The following GAB2 variants were observed in gnomAD, a reference collection of about 807,000 sequenced individuals.
GAB2 encodes the protein GRB2-associated-binding protein 2.
A neutral mutation model predicts 65.5 loss-of-function variants in GAB2; 26 were observed. The observed-to-expected ratio is 0.40, with a 90% CI of 0.29 to 0.55. The LOEUF (loss-of-function observed/expected upper bound fraction) is 0.55, where lower values mean the gene tolerates loss of function less well. GAB2 is among the 20% of genes least tolerant of loss of function. The pLI is 0.53. For synonymous variants in GAB2, 321 were observed against 329.6 expected, an observed-to-expected ratio of 0.97 and a Z score of 0.28; for missense variants, 884 against 875.8, an observed-to-expected ratio of 1.01 and a Z score of -0.12.
At chr11:78,378,916 T>C (rs1856665203) in intron 1 of GAB2, among the ~76,000 whole-genome samples, 1 of 152,194 alleles carries the variant, frequency 6.6e-6, no homozygotes, top group Admixed American at 6.5e-5. Flanking sequence ...ATAATCATGG[T>C]GGCTGAGGGA....
In GAB2 at chr11:78,280,665, G is replaced by A. The variant is rs1473389550; in HGVS notation, c.312C>T (p.Asp104=). The change falls in exon 2 of 10, where the codon GAC becomes GAT. Residue 104 remains aspartate, a synonymous_variant. Coordinates refer to ENST00000361507, the MANE Select transcript of GAB2 (RefSeq NM_080491.3). ...AGATGCTCTGGACCCACTTATTCAT[G>A]TCCTCTTCTGTCTCAGCCACCAGGT... The part of the protein sequence containing the change: ...TFYLVAETEE[D]MNKWVQSICQ... The A allele has an allele frequency of 1.2e-6, 2 of 1,613,978 alleles. No individual in the cohort carries two copies. Among genetic ancestry groups the A allele is most frequent in the East Asian group, 2.2e-5 (1 of 44,896 alleles).
At chr11:78,335,756 G>A (rs890876918) in intron 1 of GAB2, among the ~76,000 whole-genome samples, 2 of 152,070 alleles carry the variant, frequency 1.3e-5, no homozygotes, top group Admixed American at 6.6e-5. Flanking sequence ...TTTTAGAATT[G>A]TTCTATTTCT....
intron 1 of GAB2, among the ~76,000 whole-genome samples, chr11:78,281,800 C>T (rs1866343384): frequency 6.6e-6 from 1 of 152,204 alleles, no homozygotes; most frequent in South Asian, 2.1e-4. Flanking sequence ...TTTCTTTAGG[C>T]TAGAATACAG....
At chr11:78,253,119 T>C (rs1427654221) in intron 2 of GAB2, among the ~76,000 whole-genome samples, 4 of 147,344 alleles carry the variant, frequency 2.7e-5, no homozygotes, top group African/African-American at 1.0e-4. Flanking sequence ...CAAGTGATAC[T>C]CCGGCCTCAG....
chr11:78,369,450 G>A (rs1565175651), intron 1 of GAB2, among the ~76,000 whole-genome samples: 1 of 152,116 alleles, frequency 6.6e-6, no homozygotes, highest in Non-Finnish European at 1.5e-5. Context: ...GTTTCTTTTG[G>A]TTACCAAAAT....
chr11:78,368,731 A>G (rs767054319), intron 1 of GAB2, among the ~76,000 whole-genome samples: 2 of 152,082 alleles, frequency 1.3e-5, no homozygotes, highest in Non-Finnish European at 1.5e-5. Context: ...GACAGCAAAA[A>G]TAAACTCTAT....
rs558904070 is a variant in GAB2, at chr11:78,397,499, T to C, written c.75+20147A>G. On this transcript the variant is annotated intron_variant, in intron 1 of 9. Transcript: ENST00000361507. ...GAAGGAGCTTCATAATTCATTCTGA[T>C]GAGGTGGATGGTGCAGGAAAGACTG... 1.1e-4 allele frequency among the ~76,000 whole-genome samples: 16 copies of C among 152,282 alleles called. No individual in the cohort carries two copies. In the East Asian group the frequency reaches 2.9e-3, roughly 28 times the overall value.
At chr11:78,288,372 C>T (rs1347772639) in intron 1 of GAB2, among the ~76,000 whole-genome samples, 2 of 98,860 alleles carry the variant, frequency 2.0e-5, no homozygotes, top group African/African-American at 8.4e-5. Context: ...GAGTGAGACT[C>T]CATCTCAAAG....
intron 3 of GAB2, among the ~76,000 whole-genome samples, chr11:78,239,675 G>A (rs924686377): frequency 3.3e-5 from 5 of 152,184 alleles, no homozygotes; most frequent in Non-Finnish European, 7.3e-5. Context: ...AGATCAGTTT[G>A]GAACAAGGAC....
At chr11:78,349,896 G>T (rs1382423792) in intron 1 of GAB2, among the ~76,000 whole-genome samples, 1 of 151,308 alleles carries the variant, frequency 6.6e-6, no homozygotes, top group Non-Finnish European at 1.5e-5. Flanking sequence ...TGGCTGAACA[G>T]GCGAATGGAT....
At chr11:78,332,873 T>G (rs1349003332) in intron 1 of GAB2, among the ~76,000 whole-genome samples, 1 of 152,080 alleles carries the variant, frequency 6.6e-6, no homozygotes, top group African/African-American at 2.4e-5. Context: ...GAGCAGAAAT[T>G]TGAAGATATA....
chr11:78,323,259 C>A (rs988751463), intron 1 of GAB2, among the ~76,000 whole-genome samples: 1 of 152,136 alleles, frequency 6.6e-6, no homozygotes, highest in East Asian at 1.9e-4. Flanking sequence ...TCTGTAATCC[C>A]TGCACTTTGG....
chr11:78,248,827 T>A (rs1011809559), intron 3 of GAB2, among the ~76,000 whole-genome samples: 1 of 152,216 alleles, frequency 6.6e-6, no homozygotes, highest in Non-Finnish European at 1.5e-5. Flanking sequence ...CTGAACATGC[T>A]TTTCATTATA....
intron 1 of GAB2, among the ~76,000 whole-genome samples, chr11:78,319,532 T>C (rs1396975768): frequency 6.6e-6 from 1 of 152,218 alleles, no homozygotes; most frequent in African/African-American, 2.4e-5. Context: ...AACTTACCCT[T>C]AGGCTTGGTA....
intron 2 of GAB2, among the ~76,000 whole-genome samples, chr11:78,264,272 G>C (rs565271557): frequency 2.0e-5 from 3 of 151,672 alleles, no homozygotes; most frequent in Non-Finnish European, 4.4e-5. Flanking sequence ...CATATTCTGG[G>C]TCTTCTTTAA....
chr11:78,382,380 A>AT lies in GAB2; in HGVS notation c.75+35265dup, dbSNP rs1341614721. ...CTGGAGCAATATTCTTTTTTTTATT[A>AT]TTATTTTTTTTTTTTTGAGACAGAG... is the stretch of plus-strand genomic sequence containing the variant. On this transcript the variant is annotated intron_variant, in intron 1 of 9. Coordinates refer to ENST00000361507, the MANE Select transcript of GAB2 (RefSeq NM_080491.3). 2.1e-3 allele frequency among the ~76,000 whole-genome samples: 311 copies of AT among 149,580 alleles called. 4 individuals are homozygous for AT. Among genetic ancestry groups the AT allele is most frequent in the Middle Eastern group, 6.8e-3 (2 of 292 alleles).
chr11:78,400,164 T>C (rs982060626), intron 1 of GAB2, among the ~76,000 whole-genome samples: 2 of 152,170 alleles, frequency 1.3e-5, no homozygotes, highest in African/African-American at 4.8e-5. Flanking sequence ...CCACTCTGGA[T>C]GGAATTTTAC....
intron 2 of GAB2, among the ~76,000 whole-genome samples, chr11:78,278,567 G>C (rs1001717476): frequency 7.3e-6 from 1 of 136,822 alleles, no homozygotes; most frequent in Non-Finnish European, 1.5e-5. Flanking sequence ...TAGTAGAGAC[G>C]GGTTTTCACC....
chr11:78,240,964 C>G (rs1590957930), intron 3 of GAB2, among the ~76,000 whole-genome samples: 1 of 152,224 alleles, frequency 6.6e-6, no homozygotes. Context: ...CCCAACGCCA[C>G]ATAAGCTCCA....
Sources: allele counts gnomAD v4.1 joint callset (sites outside exome capture counted in the v4.1 genomes callset), GRCh38; gene constraint gnomAD v4.1.1; transcripts MANE v1.5; gene names NCBI Gene and HGNC (gene_info 2026-07-23, HGNC 2026-07-21).